NXPE2: variants seen among roughly 807,000 people sequenced by gnomAD.
The protein encoded by NXPE2 is NXPE family member 2.
In NXPE2, 34 loss-of-function variants were observed where a neutral mutation model predicts 34.4. The ratio of observed to expected loss-of-function variants is 0.99; its 90% CI spans 0.75 to 1.31. The LOEUF (loss-of-function observed/expected upper bound fraction) is 1.31. Ranked by LOEUF, NXPE2 falls within the 40% of genes most tolerant of loss-of-function variation. NXPE2 has a pLI of 0.00. For synonymous variants in NXPE2, 235 were observed against 231.3 expected, an observed-to-expected ratio of 1.02 and a Z score of -0.15; for missense variants, 649 against 672.5, an observed-to-expected ratio of 0.97 and a Z score of 0.39.
the NXPE2 span, among the ~76,000 whole-genome samples, chr11:114,646,850 T>C: frequency 6.6e-6 from 1 of 152,158 alleles, no homozygotes; most frequent in Non-Finnish European, 1.5e-5. Flanking sequence ...TTCTCAATGT[T>C]TATCCAAAAA....
chr11:114,732,719 G>A, the NXPE2 span, among the ~76,000 whole-genome samples: 1 of 151,896 alleles, frequency 6.6e-6, no homozygotes, highest in East Asian at 1.9e-4. Flanking sequence ...TTCTCCTATT[G>A]AATGGATTTC....
the NXPE2 span, among the ~76,000 whole-genome samples, chr11:114,807,813 G>A: frequency 1.3e-5 from 2 of 152,008 alleles, no homozygotes; most frequent in African/African-American, 2.4e-5. Context: ...GGATACCCAG[G>A]AATTGAACTC....
chr11:114,809,188 G>A, the NXPE2 span, among the ~76,000 whole-genome samples: 90 of 151,958 alleles, frequency 5.9e-4, no homozygotes, highest in East Asian at 3.7e-3. Context: ...TTGATGGGAC[G>A]TATCTCAAAA....
chr11:114,572,452 T>A, the NXPE2 span, among the ~76,000 whole-genome samples: 1 of 151,980 alleles, frequency 6.6e-6, no homozygotes, highest in African/African-American at 2.4e-5. Flanking sequence ...GAAGTCCAAC[T>A]TAAATTAAAA....
chr11:114,491,544 C>A, the NXPE2 span, among the ~76,000 whole-genome samples: 3 of 152,126 alleles, frequency 2.0e-5, no homozygotes, highest in Non-Finnish European at 4.4e-5. Context: ...AATAGGAACA[C>A]TTTTACGTTG....
At chr11:114,703,677 G>C (rs528876585) in intron 3 of NXPE2, among the ~76,000 whole-genome samples, 6 of 32,042 alleles carry the variant, frequency 1.9e-4, no homozygotes, top group Admixed American at 6.0e-4. Context: ...TAGATAGATA[G>C]ATAGATAGAT....
the NXPE2 span, among the ~76,000 whole-genome samples, chr11:114,644,080 G>T: frequency 9.8e-4 from 149 of 152,266 alleles, no homozygotes; most frequent in African/African-American, 3.4e-3. Context: ...GTATAAGAAT[G>T]CTTGGGATTT....
chr11:114,622,184 G>A, the NXPE2 span, among the ~76,000 whole-genome samples: 890 of 104,336 alleles, frequency 8.5e-3, 5 homozygotes, highest in Non-Finnish European at 0.015. Flanking sequence ...GTATTGCCTC[G>A]TGGGTAACCA....
At chr11:114,620,378 C>T in the NXPE2 span, among the ~76,000 whole-genome samples, 3 of 152,098 alleles carry the variant, frequency 2.0e-5, no homozygotes, top group African/African-American at 7.2e-5. Flanking sequence ...TAAGTGTTGC[C>T]TCGTGGGTAA....
chr11:114,519,661 C>T, the NXPE2 span, among the ~76,000 whole-genome samples: 1 of 152,082 alleles, frequency 6.6e-6, no homozygotes, highest in African/African-American at 2.4e-5. Flanking sequence ...GGAGGGCATT[C>T]TAGTCAGAAG....
the NXPE2 span, among the ~76,000 whole-genome samples, chr11:114,786,777 T>G: frequency 5.3e-5 from 8 of 151,862 alleles, no homozygotes; most frequent in African/African-American, 1.7e-4. Context: ...CACATCCAGC[T>G]GCCCCACACA....
chr11:114,551,205 G>A, the NXPE2 span: 129 of 1,517,534 alleles, frequency 8.5e-5, no homozygotes, highest in East Asian at 2.1e-3. Context: ...AGGACATGAC[G>A]AATGTCCTAG....
At chr11:114,808,133 C>T in the NXPE2 span, among the ~76,000 whole-genome samples, 11 of 152,202 alleles carry the variant, frequency 7.2e-5, no homozygotes, top group African/African-American at 1.9e-4. Context: ...TAAAGATGTT[C>T]TTTGAAACCA....
the NXPE2 span, among the ~76,000 whole-genome samples, chr11:114,641,320 G>T: frequency 6.6e-6 from 1 of 151,948 alleles, no homozygotes; most frequent in African/African-American, 2.4e-5. Context: ...AGTGAAAAGT[G>T]GAGAAGCAAT....
At chr11:114,701,465 T>C (rs1194431379) in intron 3 of NXPE2, among the ~76,000 whole-genome samples, 2 of 152,168 alleles carry the variant, frequency 1.3e-5, no homozygotes, top group East Asian at 3.9e-4. Flanking sequence ...GTAATCATGA[T>C]AGTAAGCTGC....
chr11:114,599,084 C>T, the NXPE2 span, among the ~76,000 whole-genome samples: 12,414 of 152,110 alleles, frequency 0.082, 633 homozygotes, highest in Middle Eastern at 0.2. Context: ...CACATGCATA[C>T]GAGCATAGGT....
the NXPE2 span, among the ~76,000 whole-genome samples, chr11:114,591,009 T>G: frequency 2.0e-5 from 3 of 152,110 alleles, no homozygotes; most frequent in Non-Finnish European, 2.9e-5. Context: ...AACATGACTG[T>G]GAGCAAGTTG....
chr11:114,530,296 C>T, the NXPE2 span: 1 of 1,614,212 alleles, frequency 6.2e-7, no homozygotes, highest in African/African-American at 1.3e-5. Context: ...GCTTCTTGGT[C>T]TCTGTCATCC....
At chr11:114,515,721 G>A in the NXPE2 span, among the ~76,000 whole-genome samples, 1 of 148,640 alleles carries the variant, frequency 6.7e-6, no homozygotes, top group Non-Finnish European at 1.5e-5. Context: ...AAATAAAGAA[G>A]AGTAAGAGGC....
Sources: allele counts gnomAD v4.1 joint callset (sites outside exome capture counted in the v4.1 genomes callset), GRCh38; gene constraint gnomAD v4.1.1; transcripts MANE v1.5; gene names NCBI Gene and HGNC (gene_info 2026-07-23, HGNC 2026-07-21).